The following CACNA2D3 variants were observed in gnomAD, a reference collection of about 807,000 sequenced individuals.
The protein encoded by CACNA2D3 is calcium voltage-gated channel auxiliary subunit alpha2delta 3.
In CACNA2D3, 60 loss-of-function variants were observed where a neutral mutation model predicts 160.6. That is an observed-to-expected ratio of 0.37 (90% CI 0.30 to 0.46). CACNA2D3 has a LOEUF of 0.46. CACNA2D3 is among the 20% of genes least tolerant of loss of function. The pLI is 1.00. For synonymous variants in CACNA2D3, 558 were observed against 492.9 expected, an observed-to-expected ratio of 1.13 and a Z score of -1.75; for missense variants, 1,205 against 1,365.0, an observed-to-expected ratio of 0.88 and a Z score of 1.85.
At chr3:55,013,718 G>T (rs1703261485) in intron 34 of CACNA2D3, among the ~76,000 whole-genome samples, 1 of 152,004 alleles carries the variant, frequency 6.6e-6, no homozygotes, top group Admixed American at 6.6e-5. Flanking sequence ...TATCACAAAG[G>T]TATCATTTTG....
At chr3:54,269,122 G>A (rs914331311) in intron 2 of CACNA2D3, among the ~76,000 whole-genome samples, 3 of 152,122 alleles carry the variant, frequency 2.0e-5, no homozygotes, top group Admixed American at 2.0e-4. Context: ...AGTGATTGGA[G>A]CAGCCAAACC....
intron 3 of CACNA2D3, among the ~76,000 whole-genome samples, chr3:54,338,906 C>T (rs1704455210): frequency 6.6e-6 from 1 of 152,142 alleles, no homozygotes; most frequent in Admixed American, 6.5e-5. Context: ...ATTGTGTAGC[C>T]ACAGCAGCTA....
chr3:54,438,204 C>T (rs558347479), intron 4 of CACNA2D3, among the ~76,000 whole-genome samples: 5 of 152,296 alleles, frequency 3.3e-5, no homozygotes, highest in African/African-American at 1.2e-4. Context: ...TTTCTTATAG[C>T]TCCCTTGTGG....
At chr3:54,381,635 G>A (rs955373823) in intron 3 of CACNA2D3, among the ~76,000 whole-genome samples, 1 of 152,226 alleles carries the variant, frequency 6.6e-6, no homozygotes, top group African/African-American at 2.4e-5. Context: ...GTCGCGGGGA[G>A]GAAACGGGAC....
chr3:54,643,788 C>A (rs1699576613), intron 11 of CACNA2D3, among the ~76,000 whole-genome samples: 1 of 152,168 alleles, frequency 6.6e-6, no homozygotes. Context: ...TAATGCACAG[C>A]CCTGCCAGGT....
chr3:54,707,331 A>C (rs554261979), intron 11 of CACNA2D3, among the ~76,000 whole-genome samples: 1 of 152,284 alleles, frequency 6.6e-6, no homozygotes, highest in East Asian at 1.9e-4. Flanking sequence ...TGTTATATTT[A>C]AGTTTGTTCA....
At chr3:54,519,900 G>A (rs537716875) in intron 5 of CACNA2D3, among the ~76,000 whole-genome samples, 5 of 152,322 alleles carry the variant, frequency 3.3e-5, no homozygotes, top group African/African-American at 2.4e-5. Context: ...ACAACATTAC[G>A]CTGGCCCTGA....
At chr3:54,363,226 A>G (rs1412889632) in intron 3 of CACNA2D3, among the ~76,000 whole-genome samples, 2 of 151,622 alleles carry the variant, frequency 1.3e-5, no homozygotes, top group Admixed American at 6.6e-5. Context: ...TGCAACATCA[A>G]TCACTTTTGC....
intron 1 of CACNA2D3, 41 bp downstream of exon 1, chr3:54,122,876 C>T: frequency 2.5e-6 from 3 of 1,210,650 alleles, no homozygotes; most frequent in Non-Finnish European, 3.1e-6. Flanking sequence ...GGGGACCTTG[C>T]CGCCTGCGAC....
intron 11 of CACNA2D3, among the ~76,000 whole-genome samples, chr3:54,654,268 A>G (rs147720725): frequency 6.6e-6 from 1 of 152,148 alleles, no homozygotes; most frequent in East Asian, 1.9e-4. Flanking sequence ...GGTGGCTCAT[A>G]GATCATATTT....
chr3:54,864,976 G>A (rs997322237), intron 17 of CACNA2D3, among the ~76,000 whole-genome samples: 9 of 152,206 alleles, frequency 5.9e-5, no homozygotes, highest in African/African-American at 1.9e-4. Flanking sequence ...GACACGTACC[G>A]CTGTTAGCAC....
intron 11 of CACNA2D3, among the ~76,000 whole-genome samples, chr3:54,742,699 C>T (rs1701677958): frequency 6.6e-6 from 1 of 152,164 alleles, no homozygotes; most frequent in Non-Finnish European, 1.5e-5. Flanking sequence ...CAGTCTTTTC[C>T]CTACTAGGGA....
intron 16 of CACNA2D3, among the ~76,000 whole-genome samples, chr3:54,845,777 T>A (rs1698918630): frequency 6.6e-6 from 1 of 152,240 alleles, no homozygotes; most frequent in Admixed American, 6.5e-5. Context: ...TTACCCAGGC[T>A]TTGTGTTGAT....
At chr3:54,643,873 G>A (rs1699579244) in intron 11 of CACNA2D3, among the ~76,000 whole-genome samples, 1 of 152,186 alleles carries the variant, frequency 6.6e-6, no homozygotes, top group East Asian at 1.9e-4. Flanking sequence ...ACATTTTGCA[G>A]CCAAATAGAA....
intron 2 of CACNA2D3, among the ~76,000 whole-genome samples, chr3:54,237,897 G>A (rs1701913156): frequency 6.6e-6 from 1 of 152,170 alleles, no homozygotes; most frequent in East Asian, 1.9e-4. Context: ...TTTAGGAAAT[G>A]CGAAACCAAG....
chr3:54,544,813 A>G (rs1702035567), intron 5 of CACNA2D3, among the ~76,000 whole-genome samples: 1 of 152,234 alleles, frequency 6.6e-6, no homozygotes, highest in Non-Finnish European at 1.5e-5. Flanking sequence ...AAAATTTATT[A>G]TATTTTAATT....
At chr3:54,249,228 C>A (rs561289476) in intron 2 of CACNA2D3, among the ~76,000 whole-genome samples, 1 of 152,054 alleles carries the variant, frequency 6.6e-6, no homozygotes, top group Non-Finnish European at 1.5e-5. Flanking sequence ...GAGATGCGTG[C>A]GGGTGCCAAG....
chr3:54,464,082 A>G (rs892173527), intron 4 of CACNA2D3, among the ~76,000 whole-genome samples: 1 of 151,908 alleles, frequency 6.6e-6, no homozygotes, highest in South Asian at 2.1e-4. Flanking sequence ...GCTGCAGAAC[A>G]GCAGTTTTTC....
intron 2 of CACNA2D3, among the ~76,000 whole-genome samples, chr3:54,166,929 A>G (rs559297322): frequency 6.6e-6 from 1 of 152,292 alleles, no homozygotes; most frequent in South Asian, 2.1e-4. Flanking sequence ...GAAAGTTAAT[A>G]TTTTGCGGGA....
Sources: allele counts gnomAD v4.1 joint callset (sites outside exome capture counted in the v4.1 genomes callset), GRCh38; gene constraint gnomAD v4.1.1; transcripts MANE v1.5; gene names NCBI Gene and HGNC (gene_info 2026-07-23, HGNC 2026-07-21).